GRID2: variants seen among roughly 807,000 people sequenced by gnomAD.
The protein encoded by GRID2 is glutamate ionotropic receptor delta type subunit 2.
A neutral mutation model predicts 114.8 loss-of-function variants in GRID2; 33 were observed. That is an observed-to-expected ratio of 0.29 (90% confidence interval 0.22 to 0.38). The LOEUF is 0.38. GRID2 is among the 10% of genes least tolerant of loss of function. The pLI is 1.00. For synonymous variants in GRID2, 505 were observed against 449.9 expected, an observed-to-expected ratio of 1.12 and a Z score of -1.55; for missense variants, 1,184 against 1,257.7, an observed-to-expected ratio of 0.94 and a Z score of 0.89.
intron 1 of GRID2, among the ~76,000 whole-genome samples, chr4:93,804,583 T>C (rs1340319039): frequency 6.6e-6 from 1 of 152,192 alleles, no homozygotes; most frequent in African/African-American, 2.4e-5. Context: ...AACCAAGACA[T>C]CCTTATGCAT....
chr4:93,232,829 T>A (rs1349698878), intron 7 of GRID2, among the ~76,000 whole-genome samples: 1 of 152,096 alleles, frequency 6.6e-6, no homozygotes, highest in Non-Finnish European at 1.5e-5. Flanking sequence ...AATATTGAAA[T>A]TATACCATTT....
At chr4:92,964,379 G>A (rs934234170) in intron 2 of GRID2, among the ~76,000 whole-genome samples, 9 of 151,794 alleles carry the variant, frequency 5.9e-5, no homozygotes, top group Non-Finnish European at 1.3e-4. Context: ...ATCACACACC[G>A]GGCCCTGTCA....
At chr4:93,176,196 C>G in intron 4 of GRID2, among the ~76,000 whole-genome samples, 1 of 152,098 alleles carries the variant, frequency 6.6e-6, no homozygotes, top group Non-Finnish European at 1.5e-5. Flanking sequence ...ACAGAAAAAT[C>G]TAAACATTAT....
At chr4:93,599,505 T>C (rs569345760) in intron 13 of GRID2, among the ~76,000 whole-genome samples, 70 of 152,322 alleles carry the variant, frequency 4.6e-4, no homozygotes, top group Non-Finnish European at 8.1e-4. Flanking sequence ...TTCTCCTAAG[T>C]AAATTTCACT....
At chr4:93,469,162 GC>G (rs1460901261) in intron 11 of GRID2, among the ~76,000 whole-genome samples, 1 of 152,060 alleles carries the variant, frequency 6.6e-6, no homozygotes, top group African/African-American at 2.4e-5. Flanking sequence ...CTTCCCTGGT[GC>G]TTTTGGTAGA....
intron 3 of GRID2, among the ~76,000 whole-genome samples, chr4:93,110,277 G>C (rs1579015569): frequency 6.6e-6 from 1 of 152,114 alleles, no homozygotes; most frequent in East Asian, 1.9e-4. Context: ...ACTGATAAAA[G>C]TCAAGTTTAG....
chr4:93,558,701 T>C (rs1025118070), intron 13 of GRID2, among the ~76,000 whole-genome samples: 3 of 152,070 alleles, frequency 2.0e-5, no homozygotes, highest in African/African-American at 2.4e-5. Context: ...TTCCAAACAA[T>C]AGAAAACGAG....
At chr4:93,126,628 C>T (rs1171518531) in intron 4 of GRID2, among the ~76,000 whole-genome samples, 4 of 103,164 alleles carry the variant, frequency 3.9e-5, no homozygotes, top group Non-Finnish European at 1.7e-5. Flanking sequence ...GACGGAGTCT[C>T]GCTCTGTCAC....
At chr4:92,372,480 C>T (rs1446534726) in intron 1 of GRID2, among the ~76,000 whole-genome samples, 1 of 152,138 alleles carries the variant, frequency 6.6e-6, no homozygotes. Context: ...TTCTGACTCA[C>T]AGAAGGTTCA....
At chr4:92,908,983 A>G (rs1748168801) in intron 2 of GRID2, among the ~76,000 whole-genome samples, 1 of 152,196 alleles carries the variant, frequency 6.6e-6, no homozygotes, top group Non-Finnish European at 1.5e-5. Flanking sequence ...TGAGTAAAAG[A>G]TTATAAATTC....
At chr4:92,775,112 T>C (rs1009998176) in intron 2 of GRID2, among the ~76,000 whole-genome samples, 16 of 152,246 alleles carry the variant, frequency 1.1e-4, no homozygotes, top group African/African-American at 3.6e-4. Context: ...ATTTCACATT[T>C]TAGTAAACCC....
At chr4:93,726,711 AGT>A (rs1371831069) in intron 14 of GRID2, among the ~76,000 whole-genome samples, 3 of 152,014 alleles carry the variant, frequency 2.0e-5, no homozygotes, top group Non-Finnish European at 2.9e-5. Flanking sequence ...ATCTCTTGTA[AGT>A]TGAATTCCTA....
chr4:92,725,530 C>G (rs1339552927), intron 2 of GRID2, among the ~76,000 whole-genome samples: 1 of 152,072 alleles, frequency 6.6e-6, no homozygotes, highest in Non-Finnish European at 1.5e-5. Flanking sequence ...TTTTACCTTA[C>G]TGAAAACTCT....
intron 1 of GRID2, among the ~76,000 whole-genome samples, chr4:92,501,555 C>CTCAT (rs1723683928): frequency 3.9e-5 from 6 of 152,130 alleles, no homozygotes; most frequent in Admixed American, 3.9e-4. Context: ...ACAGCACCAT[C>CTCAT]TCATTCTGCC....
At chr4:93,554,299 T>A (rs1037643687) in intron 13 of GRID2, among the ~76,000 whole-genome samples, 29 of 152,342 alleles carry the variant, frequency 1.9e-4, no homozygotes, top group African/African-American at 6.3e-4. Context: ...AAGCCTTTTT[T>A]TCTTTAGCTT....
At chr4:92,718,008 C>A (rs1184247714) in intron 2 of GRID2, among the ~76,000 whole-genome samples, 1 of 151,990 alleles carries the variant, frequency 6.6e-6, no homozygotes, top group Non-Finnish European at 1.5e-5. Context: ...AGTATATTTA[C>A]TAAATTTATG....
intron 1 of GRID2, among the ~76,000 whole-genome samples, chr4:92,487,398 C>T (rs766975169): frequency 2.0e-5 from 3 of 151,744 alleles, no homozygotes; most frequent in Admixed American, 6.6e-5. Flanking sequence ...TGTTATTATA[C>T]TCGTGCTGAA....
intron 12 of GRID2, among the ~76,000 whole-genome samples, chr4:93,501,469 A>C (rs1452417396): frequency 6.6e-6 from 1 of 152,094 alleles, no homozygotes; most frequent in Non-Finnish European, 1.5e-5. Flanking sequence ...ACTGCAGCAG[A>C]GGAAGACATT....
rs73837330 is a variant in GRID2, at chr4:92,747,110, T to G, written c.244+156824T>G. 5.0e-3 allele frequency among the ~76,000 whole-genome samples: 764 copies of G among 152,204 alleles called. 5 individuals carry two copies. Among genetic ancestry groups the G allele is most frequent in the African/African-American group, 0.017 (726 of 41,544 alleles). ...TTTATTATGAAAAGCTTAAGTTATC[T>G]AACTATAGATAAATCCAAACATAGA... On this transcript the variant is annotated intron_variant, in intron 2 of 15. Coordinates refer to ENST00000282020, the MANE Select transcript of GRID2 (RefSeq NM_001510.4).
Sources: gnomAD v4.1 joint callset for allele counts (sites outside exome capture counted in the v4.1 genomes callset) on GRCh38, gnomAD v4.1.1 for gene constraint, MANE v1.5 for transcripts, NCBI Gene and HGNC (gene_info 2026-07-23, HGNC 2026-07-21) for gene names.